Variants in CYP7B1 observed in about 807,000 individuals in gnomAD.
CYP7B1 encodes cytochrome P450 7B1.
CYP7B1 carries 29 observed loss-of-function variants against 42.7 expected under a neutral mutation model. The ratio of observed to expected loss-of-function variants is 0.68; its 90% CI spans 0.51 to 0.93. The LOEUF (loss-of-function observed/expected upper bound fraction) is 0.93, where lower values mean the gene tolerates loss of function less well. Among genes scored for constraint, CYP7B1 ranks in the 40% least tolerant of loss-of-function variants. The pLI is 0.00. For missense variants in CYP7B1, 655 were observed against 600.5 expected, an observed-to-expected ratio of 1.09 and a Z score of -0.95; for synonymous variants, 235 against 218.2, an observed-to-expected ratio of 1.08 and a Z score of -0.68.
At position 64,665,587 on chromosome 8, in the gene CYP7B1, T is replaced by C. The variant is rs1486050138; in HGVS notation, c.123-41048A>G. ...TTTTTTTTTTTTTTTTTTTTTTTTT[T>C]TTTTTTGAGACGGAGTTTCACTCTT... On this transcript the variant is annotated intron_variant, in intron 1 of 5. Transcript: ENST00000310193. 1.7e-4 allele frequency among the ~76,000 whole-genome samples: 14 copies of C among 82,202 alleles called. 1 individual carries two copies. The highest frequency in any genetic ancestry group is 1.8e-4 in the Non-Finnish European group (7 of 37,992). 53.9% of individuals were successfully genotyped at this position (82,202 alleles called of 152,430 possible). A position where few individuals can be genotyped will look rare whatever the true frequency, so the allele number is the denominator to read the frequency against.
At chr8:64,682,445 A>G (rs1806553424) in intron 1 of CYP7B1, among the ~76,000 whole-genome samples, 1 of 152,236 alleles carries the variant, frequency 6.6e-6, no homozygotes, top group Admixed American at 6.5e-5. Flanking sequence ...AGAAATGCCC[A>G]TTTCTGATCA....
In CYP7B1 at chr8:64,604,685, T is replaced by C; in HGVS notation, c.1230A>G (p.Pro410=). The C allele has an allele frequency of 6.2e-7, 1 of 1,614,114 alleles. No homozygotes were observed. The highest frequency in any genetic ancestry group is 2.2e-5 in the East Asian group (1 of 44,864). ...LHGDPEIFEA[P]EEFRYDRFIE... Reference sequence around the variant, plus strand: ...CATAGGCTTGATGTTTACTTACCTCTGGAGCTTCAAAGATTTCAGGGTCAC... The same window carrying C: ...CATAGGCTTGATGTTTACTTACCTCCGGAGCTTCAAAGATTTCAGGGTCAC... The change falls in exon 5 of 6, where the codon CCA becomes CCG. Residue 410 remains proline, a synonymous_variant. Transcript: ENST00000310193.
chr8:64,608,247 T>A (rs1257190713), intron 4 of CYP7B1, among the ~76,000 whole-genome samples: 2 of 152,210 alleles, frequency 1.3e-5, no homozygotes, highest in Non-Finnish European at 2.9e-5. Flanking sequence ...CATATTCTCT[T>A]TTGCTCTCAG....
intron 1 of CYP7B1, among the ~76,000 whole-genome samples, chr8:64,768,350 C>T (rs1420842614): frequency 2.0e-5 from 3 of 150,240 alleles, no homozygotes; most frequent in Non-Finnish European, 4.4e-5. Context: ...TCTATTAAAT[C>T]GTGCAACTCC....
intron 1 of CYP7B1, among the ~76,000 whole-genome samples, chr8:64,788,474 T>C (rs551935617): frequency 6.6e-6 from 1 of 152,298 alleles, no homozygotes; most frequent in South Asian, 2.1e-4. Flanking sequence ...CCCAGAGCTG[T>C]GCACCTGAGG....
chr8:64,661,944 A>C (rs539550492), intron 1 of CYP7B1, among the ~76,000 whole-genome samples: 1 of 152,208 alleles, frequency 6.6e-6, no homozygotes, highest in Non-Finnish European at 1.5e-5. Flanking sequence ...TTCACATTCA[A>C]TGAATTCCAG....
At chr8:64,688,031 A>G (rs189749284) in intron 1 of CYP7B1, among the ~76,000 whole-genome samples, 1 of 152,348 alleles carries the variant, frequency 6.6e-6, no homozygotes, top group Admixed American at 6.5e-5. Context: ...ATACATACAA[A>G]TACATTTAGT....
chr8:64,630,197 A>G (rs1805669478), intron 1 of CYP7B1, among the ~76,000 whole-genome samples: 1 of 152,166 alleles, frequency 6.6e-6, no homozygotes, highest in African/African-American at 2.4e-5. Context: ...TTTACAAAAG[A>G]GACTAGGTTT....
At chr8:64,699,367 G>T (rs1331178583) in intron 1 of CYP7B1, among the ~76,000 whole-genome samples, 1 of 151,846 alleles carries the variant, frequency 6.6e-6, no homozygotes, top group African/African-American at 2.4e-5. Flanking sequence ...ACACTTTTTT[G>T]AGTATGAGCT....
chr8:64,798,399 C>T (rs1804741822), intron 1 of CYP7B1, 67 bp downstream of exon 1: 7 of 1,436,334 alleles, frequency 4.9e-6, no homozygotes, highest in Non-Finnish European at 6.3e-6. Flanking sequence ...ACTCCCCTCG[C>T]CATCTGGGTC....
At chr8:64,677,074 C>T (rs1340784693) in intron 1 of CYP7B1, among the ~76,000 whole-genome samples, 1 of 151,814 alleles carries the variant, frequency 6.6e-6, no homozygotes, top group Non-Finnish European at 1.5e-5. Flanking sequence ...ACAGAAAAGC[C>T]CACTAGACAA....
intron 1 of CYP7B1, among the ~76,000 whole-genome samples, chr8:64,747,216 T>C (rs773673499): frequency 7.0e-6 from 1 of 143,774 alleles, no homozygotes; most frequent in African/African-American, 2.7e-5. Flanking sequence ...ATATTAAATA[T>C]AGTATTTATA....
intron 1 of CYP7B1, among the ~76,000 whole-genome samples, chr8:64,680,057 C>T (rs778305793): frequency 2.7e-4 from 41 of 152,008 alleles, no homozygotes; most frequent in Admixed American, 8.5e-4. Context: ...CAACATCTCC[C>T]CATTTCCCCC....
intron 5 of CYP7B1, among the ~76,000 whole-genome samples, chr8:64,599,659 A>AT (rs1466939099): frequency 3.3e-5 from 5 of 152,228 alleles, no homozygotes; most frequent in Admixed American, 3.3e-4. Flanking sequence ...GTTCTTCTGA[A>AT]TAAAATTTGT....
At chr8:64,643,192 T>TATATACATATATACACACACACAC (rs1563374454) in intron 1 of CYP7B1, among the ~76,000 whole-genome samples, 23 of 115,210 alleles carry the variant, frequency 2.0e-4, no homozygotes, top group African/African-American at 6.7e-4. Context: ...CATATATATA[T>TATATACATATATACACACACACAC]ACACACACAC....
At chr8:64,597,935 T>A (rs934602882) in intron 5 of CYP7B1, among the ~76,000 whole-genome samples, 1 of 152,204 alleles carries the variant, frequency 6.6e-6, no homozygotes, top group Non-Finnish European at 1.5e-5. Flanking sequence ...ATCCAAAGCA[T>A]TTCAGGTTAA....
intron 5 of CYP7B1, among the ~76,000 whole-genome samples, chr8:64,598,672 C>A (rs1312158897): frequency 6.6e-6 from 1 of 152,126 alleles, no homozygotes; most frequent in Non-Finnish European, 1.5e-5. Context: ...CTCTGAGAGG[C>A]CCACGGCAAA....
chr8:64,778,424 C>T (rs1804363213), intron 1 of CYP7B1, among the ~76,000 whole-genome samples: 1 of 151,826 alleles, frequency 6.6e-6, no homozygotes, highest in African/African-American at 2.4e-5. Flanking sequence ...TTGCTATAGA[C>T]CTGAAAGCAA....
chr8:64,742,373 A>G (rs1277388295), intron 1 of CYP7B1, among the ~76,000 whole-genome samples: 1 of 152,200 alleles, frequency 6.6e-6, no homozygotes, highest in Non-Finnish European at 1.5e-5. Context: ...AAGAGAGTAG[A>G]AACAGTAGTG....
Sources: allele counts gnomAD v4.1 joint callset (sites outside exome capture counted in the v4.1 genomes callset), GRCh38; gene constraint gnomAD v4.1.1; transcripts MANE v1.5; gene names NCBI Gene and HGNC (gene_info 2026-07-23, HGNC 2026-07-21).